ZMYM2: variants seen among roughly 807,000 people sequenced by gnomAD.
ZMYM2 encodes zinc finger MYM-type containing 2, also known as zinc finger MYM-type protein 2.
A neutral mutation model predicts 162.8 loss-of-function variants in ZMYM2; 56 were observed. The observed-to-expected ratio is 0.34, with a 90% CI of 0.28 to 0.43. The LOEUF is 0.43. Ranked by LOEUF, ZMYM2 falls within the 20% of genes least tolerant of loss-of-function variation. ZMYM2 has a pLI of 1.00. For synonymous variants in ZMYM2, 510 were observed against 541.6 expected, an observed-to-expected ratio of 0.94 and a Z score of 0.81; for missense variants, 1,275 against 1,621.8, an observed-to-expected ratio of 0.79 and a Z score of 3.67.
the ZMYM2 span, among the ~76,000 whole-genome samples, chr13:19,877,030 G>T: frequency 6.6e-6 from 1 of 152,014 alleles, no homozygotes; most frequent in Non-Finnish European, 1.5e-5. Context: ...CGAGACCATG[G>T]TGAAACCCCG....
chr13:19,911,643 A>G, the ZMYM2 span, among the ~76,000 whole-genome samples: 1 of 152,174 alleles, frequency 6.6e-6, no homozygotes, highest in Non-Finnish European at 1.5e-5. Context: ...CATTTGGTCA[A>G]TAGAGTTTTA....
chr13:19,982,281 CTTTTTTTTTT>C (rs56165263), intron 2 of ZMYM2, among the ~76,000 whole-genome samples: 10,590 of 86,692 alleles, frequency 0.12, 1,303 homozygotes, highest in African/African-American at 0.36. Context: ...TATTAGCTGT[CTTTTTTTTTT>C]TTTTTTTTTT....
chr13:20,009,242 A>G (rs1950982027), intron 6 of ZMYM2, among the ~76,000 whole-genome samples: 1 of 152,188 alleles, frequency 6.6e-6, no homozygotes, highest in Non-Finnish European at 1.5e-5. Flanking sequence ...ATTTCTATAG[A>G]TGAAATAGAG....
chr13:20,085,457 C>T (rs1174422401), intron 24 of ZMYM2, among the ~76,000 whole-genome samples: 1 of 152,168 alleles, frequency 6.6e-6, no homozygotes, highest in Non-Finnish European at 1.5e-5. Flanking sequence ...ATACATATTT[C>T]ATCAATTCTA....
intron 10 of ZMYM2, among the ~76,000 whole-genome samples, chr13:20,032,881 T>C (rs917134738): frequency 6.6e-6 from 1 of 152,176 alleles, no homozygotes; most frequent in Non-Finnish European, 1.5e-5. Flanking sequence ...AGTGCTGGGA[T>C]CACAGGCGTG....
the ZMYM2 span, among the ~76,000 whole-genome samples, chr13:19,917,324 C>T: frequency 3.6e-3 from 549 of 152,170 alleles, 3 homozygotes; most frequent in Non-Finnish European, 5.2e-3. Context: ...TGCAGTGGCT[C>T]ACGCCTGTAA....
intron 2 of ZMYM2, among the ~76,000 whole-genome samples, chr13:19,987,049 G>A (rs188223177): frequency 7.2e-6 from 1 of 139,640 alleles, no homozygotes; most frequent in Non-Finnish European, 1.5e-5. Context: ...AGGTTGCAGT[G>A]AGCTGTGATC....
At chr13:19,878,569 T>TGGA in the ZMYM2 span, among the ~76,000 whole-genome samples, 3 of 143,368 alleles carry the variant, frequency 2.1e-5, 1 homozygote, top group Middle Eastern at 0.012. Context: ...TCACTCAGGC[T>TGGA]GGAGTACAGT....
intron 12 of ZMYM2, among the ~76,000 whole-genome samples, chr13:20,046,306 G>A (rs1047319379): frequency 1.3e-5 from 2 of 151,720 alleles, no homozygotes; most frequent in African/African-American, 2.4e-5. Context: ...CTGCCCTTTG[G>A]GAGGCTGAGG....
intron 2 of ZMYM2, among the ~76,000 whole-genome samples, chr13:19,976,983 C>T (rs1053670771): frequency 6.6e-6 from 1 of 152,166 alleles, no homozygotes; most frequent in Non-Finnish European, 1.5e-5. Context: ...ATGTTTAGAA[C>T]TGCTGTATCT....
At chr13:19,912,840 G>GGGTA in the ZMYM2 span, among the ~76,000 whole-genome samples, 29 of 152,114 alleles carry the variant, frequency 1.9e-4, no homozygotes, top group African/African-American at 7.0e-4. Context: ...TAGTTGTGTG[G>GGGTA]GGTATGTGGA....
rs140813557 is a variant in ZMYM2, at chr13:19,992,770, G to C, written c.-10-293G>C. Among the ~76,000 whole-genome samples, 507 of 151,992 alleles carry C rather than the reference G, an allele frequency of 3.3e-3. 4 individuals carry two copies. The highest frequency in any genetic ancestry group is 0.011 in the African/African-American group (476 of 41,462). On this transcript the variant is annotated intron_variant, in intron 2 of 24. Transcript: ENST00000610343. ...GTAAATAGTGTACCCCTGAAAGGAGGTGGTGGTGGTGGTAGGAATATATTG... is the reference window on the plus strand; with the variant it reads ...GTAAATAGTGTACCCCTGAAAGGAGCTGGTGGTGGTGGTAGGAATATATTG...
the ZMYM2 span, among the ~76,000 whole-genome samples, chr13:19,926,627 G>A: frequency 6.6e-6 from 1 of 152,080 alleles, no homozygotes; most frequent in Non-Finnish European, 1.5e-5. Context: ...GCCTCCCAAA[G>A]CGCTGGGATT....
intron 6 of ZMYM2, 44 bp downstream of exon 6, chr13:20,006,630 C>A (rs761946541): frequency 1.9e-5 from 30 of 1,576,894 alleles, no homozygotes; most frequent in Middle Eastern, 1.7e-4. Flanking sequence ...TTAGAATGTT[C>A]TTGAAAGTGT....
intron 2 of ZMYM2, chr13:19,965,086 TAAAAA>T (rs11365422): frequency 7.1e-6 from 2 of 283,320 alleles, no homozygotes; most frequent in Middle Eastern, 1.3e-3. Context: ...TAAAGTATAA[TAAAAA>T]AAAAAAAAGA....
the ZMYM2 span, among the ~76,000 whole-genome samples, chr13:19,890,990 A>T: frequency 6.6e-6 from 1 of 152,072 alleles, no homozygotes; most frequent in South Asian, 2.1e-4. Context: ...TAGGCATTTT[A>T]CTACTTTGTA....
the ZMYM2 span, among the ~76,000 whole-genome samples, chr13:19,934,147 T>C: frequency 6.6e-6 from 1 of 151,618 alleles, no homozygotes; most frequent in Non-Finnish European, 1.5e-5. Context: ...TTAGAATTCA[T>C]ACTCGTATTT....
the ZMYM2 span, among the ~76,000 whole-genome samples, chr13:19,925,436 T>G: frequency 6.6e-6 from 1 of 152,198 alleles, no homozygotes; most frequent in Non-Finnish European, 1.5e-5. Context: ...TTAATTATAG[T>G]AATAGATTTT....
chr13:19,869,605 T>C, the ZMYM2 span, among the ~76,000 whole-genome samples: 1 of 151,996 alleles, frequency 6.6e-6, no homozygotes, highest in African/African-American at 2.4e-5. Flanking sequence ...CTGGGCAACA[T>C]GGCAAAATCC....
Sources: gnomAD v4.1 joint callset for allele counts (sites outside exome capture counted in the v4.1 genomes callset) on GRCh38, gnomAD v4.1.1 for gene constraint, MANE v1.5 for transcripts, NCBI Gene and HGNC (gene_info 2026-07-23, HGNC 2026-07-21) for gene names.